The following TPH2 variants were observed in gnomAD, a reference collection of about 807,000 sequenced individuals.
TPH2 encodes tryptophan 5-hydroxylase 2.
Under a neutral mutation model 59.1 loss-of-function variants are expected in TPH2, and 27 were observed. The observed-to-expected ratio is 0.46, with a 90% CI of 0.34 to 0.63. The LOEUF is 0.63. Ranked by LOEUF, TPH2 falls within the 30% of genes least tolerant of loss-of-function variation. TPH2 has a pLI of 0.01. For synonymous variants in TPH2, 220 were observed against 210.5 expected (o/e 1.05, Z -0.39); for missense variants, 523 against 588.3 (o/e 0.89, Z 1.15).
At position 72,007,183 on chromosome 12, in the gene TPH2, C is replaced by CATAAATAATAGACA. The variant is rs770688796; in HGVS notation, c.1068+12618_1068+12619insATAAATAATAGACA. Among the ~76,000 whole-genome samples, 774 of 152,262 alleles carry CATAAATAATAGACA rather than the reference C, an allele frequency of 5.1e-3. 3 individuals are homozygous for CATAAATAATAGACA. The highest frequency in any genetic ancestry group is 8.7e-3 in the Non-Finnish European group (590 of 68,010). On this transcript the variant is annotated intron_variant, in intron 8 of 10. Coordinates refer to ENST00000333850, the MANE Select transcript of TPH2 (RefSeq NM_173353.4). ...TAACCATAAATAATAGAGGTAAGGC[C>CATAAATAATAGACA]TCCCCTAAGAGATGTCGAGCTTCTC...
chr12:71,957,707 TA>T, intron 5 of TPH2, among the ~76,000 whole-genome samples: 1 of 152,274 alleles, frequency 6.6e-6, no homozygotes, highest in African/African-American at 2.4e-5. Flanking sequence ...AAGGAACTTT[TA>T]AAAAATAGGG....
At chr12:72,023,292 T>C (rs552888570) in intron 9 of TPH2, among the ~76,000 whole-genome samples, 2 of 152,340 alleles carry the variant, frequency 1.3e-5, no homozygotes, top group South Asian at 2.1e-4. Context: ...TGGACCATTC[T>C]TGAGTTTTTA....
rs983911041 is a variant in TPH2, at chr12:71,951,100, T to G, written c.608+1445T>G. Among the ~76,000 whole-genome samples, 21 of 152,278 alleles carry G rather than the reference T, an allele frequency of 1.4e-4. 1 individual carries two copies. The East Asian group carries it at 3.7e-3, about 27-fold the overall frequency. On this transcript the variant is annotated intron_variant, in intron 5 of 10. Coordinates refer to ENST00000333850, the MANE Select transcript of TPH2 (RefSeq NM_173353.4). Reference sequence around the variant, plus strand: ...TACTGTGACTTTCCACACCTTGCAATGTCAGCATGCACTTGCCCTAGCCCA... The same window carrying G: ...TACTGTGACTTTCCACACCTTGCAAGGTCAGCATGCACTTGCCCTAGCCCA...
chr12:71,947,292 G>A (rs1592860224), intron 4 of TPH2, among the ~76,000 whole-genome samples: 1 of 152,008 alleles, frequency 6.6e-6, no homozygotes, highest in East Asian at 1.9e-4. Context: ...AAAGCTCCCA[G>A]GTGATTCTAA....
intron 8 of TPH2, among the ~76,000 whole-genome samples, chr12:72,009,775 C>A (rs1168253533): frequency 6.6e-6 from 1 of 152,204 alleles, no homozygotes; most frequent in East Asian, 1.9e-4. Context: ...GCTAGACAGA[C>A]CCCTGTCTTT....
intron 1 of TPH2, among the ~76,000 whole-genome samples, chr12:71,939,678 A>G (rs1257180838): frequency 6.6e-6 from 1 of 152,214 alleles, no homozygotes; most frequent in Non-Finnish European, 1.5e-5. Context: ...TACTTGATGG[A>G]ATAATGAAAG....
chr12:71,981,536 G>C (rs1872277326), intron 7 of TPH2, among the ~76,000 whole-genome samples: 1 of 152,112 alleles, frequency 6.6e-6, no homozygotes, highest in Admixed American at 6.5e-5. Context: ...TAGTACAAGA[G>C]GGCACCTATT....
intron 5 of TPH2, chr12:71,962,745 T>C (rs1432751374): frequency 1.1e-5 from 10 of 934,538 alleles, no homozygotes; most frequent in Non-Finnish European, 1.3e-5. Flanking sequence ...TGTTTTGAGA[T>C]AGAGTATCTG....
intron 8 of TPH2, 27 bp downstream of exon 8, chr12:71,994,592 G>A (rs766171097): frequency 6.2e-7 from 1 of 1,613,070 alleles, no homozygotes; most frequent in Non-Finnish European, 8.5e-7. Context: ...CTTAAAACCA[G>A]TGCTATTTAT....
intron 5 of TPH2, among the ~76,000 whole-genome samples, chr12:71,966,133 C>T (rs1871811495): frequency 6.6e-6 from 1 of 151,990 alleles, no homozygotes; most frequent in African/African-American, 2.4e-5. Flanking sequence ...GAAATTATGC[C>T]AAATTCAGGG....
intron 4 of TPH2, among the ~76,000 whole-genome samples, chr12:71,945,988 T>C (rs1037377620): frequency 2.6e-5 from 4 of 152,154 alleles, no homozygotes; most frequent in Non-Finnish European, 5.9e-5. Flanking sequence ...ATTGTTATCT[T>C]TCCCCTCTCT....
intron 2 of TPH2, 48 bp downstream of exon 2, chr12:71,941,781 G>C (rs761596284): frequency 1.3e-6 from 2 of 1,569,836 alleles, no homozygotes; most frequent in East Asian, 4.5e-5. Context: ...CCGTGTGCCT[G>C]GGTACAAACC....
intron 5 of TPH2, among the ~76,000 whole-genome samples, chr12:71,968,286 C>G (rs1362332727): frequency 6.6e-6 from 1 of 152,226 alleles, no homozygotes; most frequent in African/African-American, 2.4e-5. Flanking sequence ...GCCCTCAGAG[C>G]TTCTTCATGA....
intron 4 of TPH2, among the ~76,000 whole-genome samples, chr12:71,948,151 C>A (rs1378695397): frequency 6.6e-6 from 1 of 151,674 alleles, no homozygotes; most frequent in African/African-American, 2.4e-5. Context: ...AATGTGGTAA[C>A]TATTTATTTT....
chr12:71,981,947 C>G (rs1407206556), intron 7 of TPH2, among the ~76,000 whole-genome samples: 1 of 148,852 alleles, frequency 6.7e-6, no homozygotes, highest in African/African-American at 2.5e-5. Flanking sequence ...AGGATGGAAA[C>G]TTGGGATTCA....
chr12:71,989,067 T>TCC (rs1417622785), intron 7 of TPH2, among the ~76,000 whole-genome samples: 1 of 149,418 alleles, frequency 6.7e-6, no homozygotes, highest in Non-Finnish European at 1.5e-5. Context: ...AAGAAGATTT[T>TCC]CCCCAATGCA....
At chr12:72,016,969 C>T (rs1873271827) in intron 8 of TPH2, among the ~76,000 whole-genome samples, 1 of 152,004 alleles carries the variant, frequency 6.6e-6, no homozygotes, top group South Asian at 2.1e-4. Context: ...GCAAAAGGGC[C>T]CTTCAGTAGG....
chr12:71,945,556 TTAAAC>T (rs1871178500), intron 4 of TPH2, among the ~76,000 whole-genome samples: 1 of 152,170 alleles, frequency 6.6e-6, no homozygotes, highest in South Asian at 2.1e-4. Flanking sequence ...TCCTTGCTGT[TTAAAC>T]TGAGGAAATC....
intron 8 of TPH2, among the ~76,000 whole-genome samples, chr12:72,007,583 G>C (rs532541016): frequency 3.9e-5 from 6 of 152,084 alleles, no homozygotes; most frequent in Non-Finnish European, 8.8e-5. Flanking sequence ...GATGTTGTTT[G>C]CTCTAGTTTT....
Sources: allele counts gnomAD v4.1 joint callset (sites outside exome capture counted in the v4.1 genomes callset), GRCh38; gene constraint gnomAD v4.1.1; transcripts MANE v1.5; gene names NCBI Gene and HGNC (gene_info 2026-07-23, HGNC 2026-07-21).